The following FBXO31 variants were observed in gnomAD, a reference collection of about 807,000 sequenced individuals.
FBXO31 encodes F-box protein 31, also known as F-box only protein 31.
Under a neutral mutation model 54.4 loss-of-function variants are expected in FBXO31, and 24 were observed. The observed-to-expected ratio is 0.44, with a 90% CI of 0.32 to 0.62. The LOEUF (loss-of-function observed/expected upper bound fraction) is 0.62, where lower values mean the gene tolerates loss of function less well. Among genes scored for constraint, FBXO31 ranks in the 20% least tolerant of loss-of-function variants. The probability of loss-of-function intolerance (pLI) is 0.05; values close to 1 mark genes in which losing one functional copy is unlikely to be tolerated. For synonymous variants in FBXO31, 388 were observed against 335.6 expected (o/e 1.16, Z -1.71); for missense variants, 665 against 787.1 (o/e 0.84, Z 1.86).
intron 1 of FBXO31, among the ~76,000 whole-genome samples, chr16:87,365,296 C>G (rs141770925): frequency 1.3e-5 from 2 of 151,774 alleles, no homozygotes; most frequent in Non-Finnish European, 2.9e-5. Context: ...CTCAACCCCT[C>G]AGACCAATCC....
upstream of FBXO31, chr16:87,383,870 T>G: frequency 1.5e-6 from 1 of 646,272 alleles, no homozygotes; most frequent in Non-Finnish European, 2.0e-6. This position sits in a 1 kb window ranked among gnomAD's most constrained non-coding sequence, Gnocchi z 4.9. Flanking sequence ...GCCCCGCCCC[T>G]ACGTAGAGCT....
intron 2 of FBXO31, among the ~76,000 whole-genome samples, chr16:87,349,033 A>G (rs1187045651): frequency 6.6e-6 from 1 of 152,238 alleles, no homozygotes; most frequent in African/African-American, 2.4e-5. Flanking sequence ...GACAGGAAAC[A>G]TTCATACATG....
At position 87,329,429 on chromosome 16, in the gene FBXO31, G is replaced by C. The variant is rs1157143925; in HGVS notation, c.*1859C>G. 6.6e-6 allele frequency: 1 copy of C among 152,292 alleles called. No homozygotes were observed. The highest frequency in any genetic ancestry group is 1.5e-5 in the Non-Finnish European group (1 of 68,058). 9.4% of individuals were successfully genotyped at this position (152,292 alleles called of 1,614,324 possible). The stretch of plus-strand genomic sequence containing the variant: ...CACGCCTCTAGGACTGCGTCCCTTA[G>C]AGCGAGGCTCGGGCTCTTGGTAAAA... On this transcript the variant is annotated 3_prime_UTR_variant, in exon 9 of 9. Coordinates refer to ENST00000311635, the MANE Select transcript of FBXO31 (RefSeq NM_024735.5).
chr16:87,354,689 C>T (rs1400906452), intron 2 of FBXO31, among the ~76,000 whole-genome samples: 3 of 152,150 alleles, frequency 2.0e-5, no homozygotes, highest in Non-Finnish European at 2.9e-5. Context: ...CTCCACAGGC[C>T]GGGCACACTG....
chr16:87,367,831 C>G (rs572531530), intron 1 of FBXO31: 1 of 152,338 alleles, frequency 6.6e-6, no homozygotes, highest in South Asian at 2.1e-4. Context: ...AAGTCATAAG[C>G]CAGTCCTCTG....
Position 87,382,580 on chromosome 16 carries a change from G to A in FBXO31, c.340+825C>T, listed in dbSNP as rs148074481. 8.4e-4 allele frequency among the ~76,000 whole-genome samples: 128 copies of A among 152,154 alleles called. 3 individuals are homozygous for A. The East Asian group carries it at 0.022, about 26-fold the overall frequency. ...CGCTGTGATCCATCCGTCTCTCTAC[G>A]CCCCCACCATCAGGAGCCCCCGACA... On this transcript the variant is annotated intron_variant, in intron 1 of 8. Coordinates refer to ENST00000311635, the MANE Select transcript of FBXO31 (RefSeq NM_024735.5).
At chr16:87,362,847 G>A (rs181119929) in intron 1 of FBXO31, among the ~76,000 whole-genome samples, 49 of 152,332 alleles carry the variant, frequency 3.2e-4, no homozygotes, top group African/African-American at 1.2e-3. Flanking sequence ...GTGAGCCACT[G>A]TGCATGGCCA....
chr16:87,364,776 C>T (rs529002537), intron 1 of FBXO31, among the ~76,000 whole-genome samples: 1 of 151,638 alleles, frequency 6.6e-6, no homozygotes, highest in Admixed American at 6.6e-5. Context: ...AATCCCAGCA[C>T]TTTGGGAGGC....
chr16:87,388,059 A>G (rs188251071), upstream of FBXO31, among the ~76,000 whole-genome samples: 14 of 152,342 alleles, frequency 9.2e-5, no homozygotes, highest in Admixed American at 2.0e-4. Context: ...GTCCTACAGA[A>G]TTTGTTTAGA....
chr16:87,386,330 A>G (rs1907327555), upstream of FBXO31: 1 of 152,248 alleles, frequency 6.6e-6, no homozygotes, highest in Non-Finnish European at 1.5e-5. Flanking sequence ...CACAGTGATG[A>G]AAGTGGTGTT....
At chr16:87,331,742 C>T (rs72804083) in intron 8 of FBXO31, among the ~76,000 whole-genome samples, 3,593 of 152,316 alleles carry the variant, frequency 0.024, 71 homozygotes, top group African/African-American at 0.055. Flanking sequence ...TGATGATGGA[C>T]GCAGAGGCCA....
chr16:87,350,489 G>A (rs560126596), intron 2 of FBXO31, among the ~76,000 whole-genome samples: 3 of 152,114 alleles, frequency 2.0e-5, no homozygotes, highest in African/African-American at 4.8e-5. Flanking sequence ...ACACCTAGAC[G>A]GGTGTGTGAT....
chr16:87,351,987 C>T lies in FBXO31; in HGVS notation c.413-4737G>A, dbSNP rs556736768. On this transcript the variant is annotated intron_variant, in intron 2 of 8. Coordinates refer to ENST00000311635, the MANE Select transcript of FBXO31 (RefSeq NM_024735.5). ...CACTAGGGACACGAGAAAACGTCAA[C>T]GCCAGGCTCCACAGCAGCCAAGTCA... Among the ~76,000 whole-genome samples the T allele has an allele frequency of 1.6e-4, 24 of 152,302 alleles. 1 individual carries two copies. Among genetic ancestry groups the T allele is most frequent in the South Asian group, 1.5e-3 (7 of 4,826 alleles).
Position 87,333,898 on chromosome 16 carries a change from G to T in FBXO31, c.1385C>A (p.Thr462Asn). 6.2e-7 allele frequency: 1 copy of T among 1,604,292 alleles called. No homozygotes were observed. The highest frequency in any genetic ancestry group is 1.3e-5 in the African/African-American group (1 of 74,866). ...GCCGCATCCTTACCACATCCTGCAG[G>T]TTCGGGGGTAGTCCTCATTCCTGGA... ...VSSRNEDYPRTCRMCFYGTGL... is the reference protein window; with the variant it reads ...VSSRNEDYPRNCRMCFYGTGL... The change falls in exon 8 of 9, where the codon ACC becomes AAC. Residue 462 changes from threonine (T) to asparagine (N), a missense_variant. Coordinates refer to ENST00000311635, the MANE Select transcript of FBXO31 (RefSeq NM_024735.5).
chr16:87,385,452 T>C (rs1752656062), upstream of FBXO31, among the ~76,000 whole-genome samples: 2 of 130,270 alleles, frequency 1.5e-5, no homozygotes, highest in Non-Finnish European at 3.7e-5. Flanking sequence ...AGCAAGACTC[T>C]GTCTCAAAAA....
chr16:87,346,955 G>A lies in FBXO31; in HGVS notation c.489+219C>T, dbSNP rs553076029. On this transcript the variant is annotated intron_variant, in intron 3 of 8. Transcript: ENST00000311635. This position sits in a 1 kb window ranked among gnomAD's most constrained non-coding sequence, Gnocchi z 4.2. ...ACCCCCTCAGACCAGAGAGTCCAAG[G>A]ACGGGCCACAAGGCCGAAGTGTTGC... is the stretch of plus-strand genomic sequence containing the variant. Among the ~76,000 whole-genome samples, 1 of 152,368 alleles carries A rather than the reference G, an allele frequency of 6.6e-6. No individual in the cohort carries two copies. The highest frequency in any genetic ancestry group is 6.5e-5 in the Admixed American group (1 of 15,308).
chr16:87,338,581 C>G lies in FBXO31; in HGVS notation c.733-2317G>C, dbSNP rs1208696260. On this transcript the variant is annotated intron_variant, in intron 5 of 8. Coordinates refer to ENST00000311635, the MANE Select transcript of FBXO31 (RefSeq NM_024735.5). This position sits in a 1 kb window ranked among gnomAD's most constrained non-coding sequence, Gnocchi z 4.3. ...GTGGGCCCGAGCGTCCCATTTCTCA[C>G]AAGGACCCACGGCTGAGGGAACCCA... Among the ~76,000 whole-genome samples, 2 of 152,188 alleles carry G rather than the reference C, an allele frequency of 1.3e-5. No homozygotes were observed. The highest frequency in any genetic ancestry group is 2.9e-5 in the Non-Finnish European group (2 of 68,038).
chr16:87,358,368 G>C lies in FBXO31; in HGVS notation c.412+1927C>G, dbSNP rs926079839. The C allele has an allele frequency of 6.5e-6, 1 of 152,684 alleles. No homozygotes were observed. Among genetic ancestry groups the C allele is most frequent in the Non-Finnish European group, 1.5e-5 (1 of 68,058 alleles). The allele number at this position is 152,684 out of a possible 1,614,324, so 9.5% of individuals were successfully genotyped here. ...GGCCCTCCCCATGCAGTTCTTGGCC[G>C]TGCTGGCTGCCGCAGAAGCCAAAGC... On this transcript the variant is annotated intron_variant, in intron 2 of 8. Transcript: ENST00000311635. The surrounding 1 kb of genome is among the most constrained non-coding windows in gnomAD (Gnocchi z 4.0).
Position 87,383,383 on chromosome 16 carries a change from C to CCCCCCCCCCCCCCCCCCCCACCCCCA in FBXO31, c.340+21_340+22insTGGGGGTGGGGGGGGGGGGGGGGGGG. On this transcript the variant is annotated intron_variant, in intron 1 of 8. Coordinates refer to ENST00000311635, the MANE Select transcript of FBXO31 (RefSeq NM_024735.5). The surrounding 1 kb of genome is among the most constrained non-coding windows in gnomAD (Gnocchi z 4.9). Reference sequence around the variant, plus strand: ...GCAGGGACCCCCCGCCCCTCCCGGCCCCGCCACCCCCGCGCGCTCACCCTC... The same window carrying CCCCCCCCCCCCCCCCCCCCACCCCCA: ...GCAGGGACCCCCCGCCCCTCCCGGCCCCCCCCCCCCCCCCCCCCCACCCCCACCGCCACCCCCGCGCGCTCACCCTC... The CCCCCCCCCCCCCCCCCCCCACCCCCA allele has an allele frequency of 2.0e-6, 3 of 1,518,274 alleles. No individual in the cohort carries two copies. Among genetic ancestry groups the CCCCCCCCCCCCCCCCCCCCACCCCCA allele is most frequent in the Non-Finnish European group, 2.7e-6 (3 of 1,131,240 alleles). 94.1% of individuals were successfully genotyped at this position (1,518,274 alleles called of 1,614,324 possible). A position where few individuals can be genotyped will look rare whatever the true frequency, so the allele number is the denominator to read the frequency against.
Sources: gnomAD v4.1 joint callset for allele counts (sites outside exome capture counted in the v4.1 genomes callset) on GRCh38, gnomAD v4.1.1 for gene constraint, Gnocchi (gnomAD v3.1) non-coding constraint, MANE v1.5 for transcripts, NCBI Gene and HGNC (gene_info 2026-07-23, HGNC 2026-07-21) for gene names.